PLEKHA7: variants seen among roughly 807,000 people sequenced by gnomAD.
The protein encoded by PLEKHA7 is pleckstrin homology domain-containing family A member 7.
A neutral mutation model predicts 170.0 loss-of-function variants in PLEKHA7; 104 were observed. That is an observed-to-expected ratio of 0.61 (90% CI 0.52 to 0.72). The LOEUF (loss-of-function observed/expected upper bound fraction) is 0.72, where lower values mean the gene tolerates loss of function less well. PLEKHA7 is among the 30% of genes least tolerant of loss of function. The pLI, the probability that PLEKHA7 is intolerant of heterozygous loss-of-function variation, is 0.00. For synonymous variants in PLEKHA7, 648 were observed against 660.8 expected, an observed-to-expected ratio of 0.98 and a Z score of 0.30; for missense variants, 1,615 against 1,671.7, an observed-to-expected ratio of 0.97 and a Z score of 0.59.
chr11:16,867,925 T>C (rs1854520361), intron 4 of PLEKHA7, among the ~76,000 whole-genome samples: 1 of 152,184 alleles, frequency 6.6e-6, no homozygotes, highest in South Asian at 2.1e-4. Context: ...TTCATCCCTA[T>C]CATAGTCAAT....
intron 3 of PLEKHA7, among the ~76,000 whole-genome samples, chr11:16,970,616 G>A (rs1003223739): frequency 4.6e-5 from 7 of 152,008 alleles, no homozygotes; most frequent in Non-Finnish European, 7.4e-5. Flanking sequence ...GCAGTGAGCC[G>A]TAATCGCACC....
In PLEKHA7 at chr11:16,893,578, C is replaced by T. The variant is rs116322968; in HGVS notation, c.222-22396G>A. Among the ~76,000 whole-genome samples the T allele has an allele frequency of 5.6e-3, 848 of 152,282 alleles. 11 individuals are homozygous for T. Among genetic ancestry groups the T allele is most frequent in the African/African-American group, 0.018 (729 of 41,556 alleles). On this transcript the variant is annotated intron_variant, in intron 3 of 26. Transcript: ENST00000531066. ...TGTAATTCTCTAGTACCCGCCCCCC[C>T]ACAAGGAAGACACAGCTGGTAACTT...
chr11:16,779,014 G>C lies in PLEKHA7; in HGVS notation c.3800C>G (p.Ala1267Gly). The C allele has an allele frequency of 1.4e-6, 1 of 702,650 alleles. No homozygotes were observed. Among genetic ancestry groups the C allele is most frequent in the Non-Finnish European group, 2.6e-6 (1 of 385,014 alleles). 43.5% of individuals were successfully genotyped at this position (702,650 alleles called of 1,614,324 possible). ...CATGCTGGGTCACGGGTCAGTCACT[G>C]CCTGGGCTGGCAAAAAGCACAGGAG... ...SQRSKQVAAQ[A>G]VTDP Residue 1267 changes from alanine (A) to glycine (G), a missense_variant, in exon 27 of 27, where the codon GCA becomes GGA. Ala to Gly is a moderately conservative substitution (Grantham distance 60, BLOSUM62 0). Transcript: ENST00000531066.
At chr11:16,950,623 G>A (rs967160680) in intron 3 of PLEKHA7, among the ~76,000 whole-genome samples, 21 of 151,642 alleles carry the variant, frequency 1.4e-4, no homozygotes, top group Non-Finnish European at 2.8e-4. Flanking sequence ...TGATCTGCTC[G>A]CCATTGTGGC....
At chr11:16,885,033 ATC>A (rs930543748) in intron 3 of PLEKHA7, among the ~76,000 whole-genome samples, 22 of 150,576 alleles carry the variant, frequency 1.5e-4, no homozygotes, top group African/African-American at 5.1e-4. Flanking sequence ...CATGAAGAAG[ATC>A]TGTTTTAAGA....
rs10160823 is a variant in PLEKHA7 at position 16,841,862 on chromosome 11, T to C, written c.697-140A>G. 1.3e-4 allele frequency: 104 copies of C among 793,716 alleles called. No homozygotes were observed. The African/African-American group carries it at 1.7e-3, about 13-fold the overall frequency. 49.2% of individuals were successfully genotyped at this position (793,716 alleles called of 1,614,324 possible). Reference sequence around the variant, plus strand: ...AACTTGTTTCCACACCTAGAAAACATCATAGGCTAGATTTCTCTTTCTTAG... The same window carrying C: ...AACTTGTTTCCACACCTAGAAAACACCATAGGCTAGATTTCTCTTTCTTAG... On this transcript the variant is annotated intron_variant, in intron 8 of 26. Coordinates refer to ENST00000531066, the MANE Select transcript of PLEKHA7 (RefSeq NM_001329630.2).
chr11:16,943,293 G>A (rs1212952624), intron 3 of PLEKHA7, among the ~76,000 whole-genome samples: 1 of 151,342 alleles, frequency 6.6e-6, no homozygotes, highest in East Asian at 1.9e-4. Context: ...TCTGAACTCT[G>A]GGTGTATTTC....
intron 10 of PLEKHA7, among the ~76,000 whole-genome samples, chr11:16,820,872 G>A (rs553155387): frequency 2.4e-4 from 36 of 152,310 alleles, no homozygotes; most frequent in Admixed American, 8.5e-4. Flanking sequence ...GTGCAATGGT[G>A]AGCCCTGGCT....
chr11:16,889,809 G>A (rs932099683), intron 3 of PLEKHA7, among the ~76,000 whole-genome samples: 1 of 152,028 alleles, frequency 6.6e-6, no homozygotes, highest in Non-Finnish European at 1.5e-5. Context: ...GAGAACTCCT[G>A]GAAGATGCAT....
chr11:16,877,783 G>T (rs1375809906), intron 3 of PLEKHA7, among the ~76,000 whole-genome samples: 4 of 152,144 alleles, frequency 2.6e-5, no homozygotes, highest in African/African-American at 4.8e-5. Flanking sequence ...GAAGATCTGG[G>T]TTCAAACCAG....
intron 13 of PLEKHA7, among the ~76,000 whole-genome samples, chr11:16,808,971 G>A (rs1172930078): frequency 2.0e-5 from 3 of 152,196 alleles, no homozygotes; most frequent in Admixed American, 2.0e-4. Context: ...CTGACACCTG[G>A]GTTCCTGGTT....
chr11:16,930,225 T>G (rs2136319631), intron 3 of PLEKHA7, among the ~76,000 whole-genome samples: 1 of 152,190 alleles, frequency 6.6e-6, no homozygotes, highest in Admixed American at 6.5e-5. Context: ...CCAGGAACTC[T>G]TAATCCAAGG....
At chr11:17,013,292 T>G (rs1399200478) in intron 3 of PLEKHA7, 1 of 152,356 alleles carries the variant, frequency 6.6e-6, no homozygotes, top group Non-Finnish European at 1.5e-5. Flanking sequence ...GTAACCTGGC[T>G]GGTGCGCCAA....
rs555294378 is a variant in PLEKHA7 at position 16,998,025 on chromosome 11, T to A, written c.221+15964A>T. On this transcript the variant is annotated intron_variant, in intron 3 of 26. Transcript: ENST00000531066. Reference sequence around the variant, plus strand: ...GCCGCCTTACACCTGTGCATCCAATTACTGGACTCAACCTCCCTGAGCCTC... The same window carrying A: ...GCCGCCTTACACCTGTGCATCCAATAACTGGACTCAACCTCCCTGAGCCTC... 1.7e-4 allele frequency among the ~76,000 whole-genome samples: 26 copies of A among 152,252 alleles called. 1 individual carries two copies. The South Asian group carries it at 5.4e-3, about 32-fold the overall frequency.
At chr11:17,004,198 T>C (rs998867626) in intron 3 of PLEKHA7, among the ~76,000 whole-genome samples, 2 of 152,168 alleles carry the variant, frequency 1.3e-5, no homozygotes, top group Non-Finnish European at 2.9e-5. Context: ...AATGAGTTTT[T>C]GGACAGAACC....
chr11:16,995,917 T>A (rs1490248068), intron 3 of PLEKHA7, among the ~76,000 whole-genome samples: 1 of 152,200 alleles, frequency 6.6e-6, no homozygotes, highest in African/African-American at 2.4e-5. Flanking sequence ...GGATGTTCAT[T>A]GCCCTCCCTT....
chr11:16,885,259 G>A (rs1282214324), intron 3 of PLEKHA7, among the ~76,000 whole-genome samples: 2 of 151,808 alleles, frequency 1.3e-5, no homozygotes, highest in African/African-American at 4.8e-5. Flanking sequence ...GAAATCAGGT[G>A]GCAGAGGTTG....
At chr11:16,956,971 T>G (rs1861736771) in intron 3 of PLEKHA7, among the ~76,000 whole-genome samples, 1 of 152,202 alleles carries the variant, frequency 6.6e-6, no homozygotes, top group African/African-American at 2.4e-5. Context: ...AAGTTTTGTG[T>G]AATGTGAGGC....
At chr11:17,005,330 G>C (rs1301936228) in intron 3 of PLEKHA7, among the ~76,000 whole-genome samples, 1 of 146,902 alleles carries the variant, frequency 6.8e-6, no homozygotes, top group Admixed American at 6.9e-5. Flanking sequence ...TCAGGAGTTT[G>C]AGACCAGCCT....
Sources: allele counts gnomAD v4.1 joint callset (sites outside exome capture counted in the v4.1 genomes callset), GRCh38; gene constraint gnomAD v4.1.1; transcripts MANE v1.5; gene names NCBI Gene and HGNC (gene_info 2026-07-23, HGNC 2026-07-21).